FREM1: variants seen among roughly 807,000 people sequenced by gnomAD.
The protein encoded by FREM1 is FRAS1 related extracellular matrix 1.
Under a neutral mutation model 210.1 loss-of-function variants are expected in FREM1, and 220 were observed. The ratio of observed to expected loss-of-function variants is 1.05; its 90% CI spans 0.94 to 1.17. The LOEUF (loss-of-function observed/expected upper bound fraction) is 1.17. FREM1 is among the 50% of genes most tolerant of loss of function. FREM1 has a pLI of 0.00. For synonymous variants in FREM1, 1,189 were observed against 980.2 expected, an observed-to-expected ratio of 1.21 and a Z score of -3.98; for missense variants, 3,454 against 2,675.5, an observed-to-expected ratio of 1.29 and a Z score of -6.42.
At chr9:14,854,118 G>A (rs534178122) in intron 5 of FREM1, among the ~76,000 whole-genome samples, 57 of 152,138 alleles carry the variant, frequency 3.7e-4, no homozygotes, top group African/African-American at 8.4e-4. Flanking sequence ...TTTTTTCACC[G>A]TACATATTAC....
intron 10 of FREM1, among the ~76,000 whole-genome samples, chr9:14,832,044 G>T (rs554865498): frequency 6.6e-6 from 1 of 152,232 alleles, no homozygotes; most frequent in Non-Finnish European, 1.5e-5. Flanking sequence ...GTAACAGATT[G>T]TCTTCAACAT....
chr9:14,805,599 G>C (rs955536704), intron 18 of FREM1, among the ~76,000 whole-genome samples: 2 of 152,224 alleles, frequency 1.3e-5, no homozygotes, highest in Non-Finnish European at 2.9e-5. Context: ...CAAGGTGCTG[G>C]ATTGAGTGGA....
At chr9:14,823,948 G>A (rs917986717) in intron 12 of FREM1, 77 bp downstream of exon 12, 2 of 734,588 alleles carry the variant, frequency 2.7e-6, no homozygotes, top group Non-Finnish European at 4.2e-6. Context: ...ACATTCTCAG[G>A]CACAATACTA....
At chr9:14,767,995 G>T (rs534371095) in intron 27 of FREM1, among the ~76,000 whole-genome samples, 69 of 152,144 alleles carry the variant, frequency 4.5e-4, no homozygotes, top group Non-Finnish European at 8.1e-4. Flanking sequence ...CTCATTTAAG[G>T]TTATAATTAA....
chr9:14,771,233 T>G (rs1043574479), intron 25 of FREM1, among the ~76,000 whole-genome samples: 11 of 152,298 alleles, frequency 7.2e-5, no homozygotes, highest in African/African-American at 2.6e-4. Context: ...ACAGAAGAAC[T>G]TCTCCTATTT....
intron 35 of FREM1, among the ~76,000 whole-genome samples, chr9:14,745,279 A>C (rs1227779245): frequency 6.6e-6 from 1 of 152,208 alleles, no homozygotes; most frequent in Non-Finnish European, 1.5e-5. Flanking sequence ...AAGTTTAAAA[A>C]TTAAAAACAA....
intron 2 of FREM1, among the ~76,000 whole-genome samples, chr9:14,867,786 A>T (rs1305860404): frequency 6.6e-6 from 1 of 152,228 alleles, no homozygotes; most frequent in Non-Finnish European, 1.5e-5. Context: ...AGTGTTGAAT[A>T]TTCTCAAGAT....
At position 14,859,340 on chromosome 9, in the gene FREM1, C is replaced by T; in HGVS notation, c.474G>A (p.Leu158=). 6.2e-7 allele frequency: 1 copy of T among 1,613,884 alleles called. No homozygotes were observed. The highest frequency in any genetic ancestry group is 1.1e-5 in the South Asian group (1 of 91,072). ...CCATCCTATCATAATCGAATCTGAG[C>T]AGATTTTTATCAATCGCTTGGGACA... ...NGLSQAIDKN[L]LRFDYDRMAS... The change falls in exon 4 of 37, where the codon CTG becomes CTA. Residue 158 remains leucine, a synonymous_variant. Coordinates refer to ENST00000380880, the MANE Select transcript of FREM1 (RefSeq NM_001379081.2).
rs531943175 is a variant in FREM1 at position 14,902,786 on chromosome 9, C to A, written c.-268+7128G>T. 3.9e-5 allele frequency among the ~76,000 whole-genome samples: 6 copies of A among 152,280 alleles called. No individual in the cohort carries two copies. The East Asian group carries it at 1.2e-3, about 29-fold the overall frequency. On this transcript the variant is annotated intron_variant, in intron 1 of 36. Transcript: ENST00000380880. ...TGTCACCCCATCCTGCTGCCAAACT[C>A]TAAGTCCAGAGTATATTACAAACTG...
intron 28 of FREM1, among the ~76,000 whole-genome samples, chr9:14,757,887 C>G (rs543125440): frequency 6.6e-6 from 1 of 152,322 alleles, no homozygotes; most frequent in East Asian, 1.9e-4. Flanking sequence ...CAAGGCTCCT[C>G]TGGAACCACC....
At chr9:14,883,256 G>A (rs72713618) in intron 1 of FREM1, among the ~76,000 whole-genome samples, 5,609 of 152,072 alleles carry the variant, frequency 0.037, 137 homozygotes, top group African/African-American at 0.073. Flanking sequence ...AAGCAACACA[G>A]TTAGGAGGGG....
At chr9:14,761,205 T>A (rs1211724782) in intron 27 of FREM1, among the ~76,000 whole-genome samples, 4 of 152,188 alleles carry the variant, frequency 2.6e-5, no homozygotes, top group Non-Finnish European at 4.4e-5. Context: ...AACCACTGTG[T>A]CCACACTGAT....
Position 14,851,337 on chromosome 9 carries a change from G to T in FREM1, c.1099C>A (p.Gln367Lys). 1 of 1,610,984 alleles carries T rather than the reference G, an allele frequency of 6.2e-7. No homozygotes were observed. The change falls in exon 6 of 37, where the codon CAG becomes AAG. Residue 367 changes from glutamine (Q) to lysine (K), a missense_variant. By Grantham distance (53) the Gln-to-Lys change is moderately conservative. Transcript: ENST00000380880. ...SFTWKDLSDM[Q>K]IAYQPPNSSH... is the part of the protein sequence containing the mutation. ...CTGTTTGGTGGCTGATAGGCGATCT[G>T]CATGTCACTGAGATCTTTCCAGGTG...
intron 25 of FREM1, among the ~76,000 whole-genome samples, chr9:14,773,032 C>T (rs1038957962): frequency 6.6e-6 from 1 of 152,192 alleles, no homozygotes; most frequent in Non-Finnish European, 1.5e-5. Flanking sequence ...TATTCAACTT[C>T]TAGCTTTGTC....
At chr9:14,774,253 T>C in intron 25 of FREM1, 1 of 477,870 alleles carries the variant, frequency 2.1e-6, no homozygotes, top group South Asian at 1.6e-5. Context: ...TAGATGGGAT[T>C]ACGTTTACAT....
chr9:14,831,062 G>C (rs1823472760), intron 10 of FREM1, among the ~76,000 whole-genome samples: 1 of 152,158 alleles, frequency 6.6e-6, no homozygotes, highest in African/African-American at 2.4e-5. Context: ...CACAGGTATT[G>C]GGAATGTTGG....
intron 1 of FREM1, among the ~76,000 whole-genome samples, chr9:14,897,276 A>G (rs1296821117): frequency 6.6e-6 from 1 of 152,214 alleles, no homozygotes; most frequent in East Asian, 1.9e-4. Flanking sequence ...AGCTAAGGAA[A>G]TAGATAAATA....
At chr9:14,890,046 C>G (rs1189494009) in intron 1 of FREM1, among the ~76,000 whole-genome samples, 1 of 152,214 alleles carries the variant, frequency 6.6e-6, no homozygotes, top group Non-Finnish European at 1.5e-5. Flanking sequence ...GCTAAGGATA[C>G]TCCTTTCCTC....
chr9:14,868,843 A>G lies in FREM1; in HGVS notation c.135T>C (p.Asp45=), dbSNP rs1832043972. The change falls in exon 2 of 37, where the codon GAT becomes GAC. Residue 45 remains aspartate, a synonymous_variant. Coordinates refer to ENST00000380880, the MANE Select transcript of FREM1 (RefSeq NM_001379081.2). ...MKGHSAFLSG[D]DLKFAIPKEK... is the part of the protein sequence containing the mutation. ...CTTTAGGGATGGCAAACTTCAGGTC[A>G]TCTCCTGACAGGAAGGCAGAGTGGC... is the stretch of plus-strand genomic sequence containing the variant. 1.9e-6 allele frequency: 3 copies of G among 1,611,700 alleles called. No individual in the cohort carries two copies. Among genetic ancestry groups the G allele is most frequent in the Non-Finnish European group, 2.5e-6 (3 of 1,178,900 alleles).
Sources: gnomAD v4.1 joint callset for allele counts (sites outside exome capture counted in the v4.1 genomes callset) on GRCh38, gnomAD v4.1.1 for gene constraint, MANE v1.5 for transcripts, NCBI Gene and HGNC (gene_info 2026-07-23, HGNC 2026-07-21) for gene names.